Variants in INSYN2A observed in about 807,000 individuals in gnomAD.
The protein encoded by INSYN2A is inhibitory synaptic factor 2A, also known as family with sequence similarity 196 member A.
A neutral mutation model predicts 39.4 loss-of-function variants in INSYN2A; 17 were observed. That is an observed-to-expected ratio of 0.43 (90% CI 0.30 to 0.65). The LOEUF is 0.65. INSYN2A is among the 30% of genes least tolerant of loss of function. The pLI is 0.14. For synonymous variants in INSYN2A, 255 were observed against 265.7 expected (o/e 0.96, Z 0.39); for missense variants, 595 against 631.2 (o/e 0.94, Z 0.61).
At chr10:127,143,949 T>A (rs2051531410) in intron 5 of INSYN2A, among the ~76,000 whole-genome samples, 1 of 152,154 alleles carries the variant, frequency 6.6e-6, no homozygotes, top group South Asian at 2.1e-4. Flanking sequence ...CCTTCCAGAC[T>A]CAGCCTGCAG....
chr10:127,137,755 G>A lies in INSYN2A; in HGVS notation c.*82C>T, dbSNP rs1213225150. ...CCTGAATGGGCACCACAGTTCCCTC[G>A]ATCCTATTCATTTTGGAAAAGTATT... On this transcript the variant is annotated 3_prime_UTR_variant, in exon 6 of 6. Transcript: ENST00000522781. 6.0e-6 allele frequency: 8 copies of A among 1,340,590 alleles called. No homozygotes were observed. The Admixed American group carries it at 1.1e-4, about 19-fold the overall frequency. 83.0% of individuals were successfully genotyped at this position (1,340,590 alleles called of 1,614,324 possible). A position where few individuals can be genotyped will look rare whatever the true frequency, so the allele number is the denominator to read the frequency against.
intron 4 of INSYN2A, among the ~76,000 whole-genome samples, chr10:127,172,865 G>A (rs570325603): frequency 1.3e-5 from 2 of 152,308 alleles, no homozygotes; most frequent in South Asian, 4.1e-4. Context: ...ATTTCGTGAT[G>A]ATGGAAATGT....
At chr10:127,182,097 A>G (rs1049066206) in intron 2 of INSYN2A, among the ~76,000 whole-genome samples, 2 of 152,122 alleles carry the variant, frequency 1.3e-5, no homozygotes, top group Admixed American at 6.5e-5. Context: ...GGCTCCTTGG[A>G]GGAAACACGG....
chr10:127,163,563 G>A (rs2053781873), intron 4 of INSYN2A, among the ~76,000 whole-genome samples: 1 of 152,140 alleles, frequency 6.6e-6, no homozygotes, highest in South Asian at 2.1e-4. Context: ...GAGTCTGTGT[G>A]AGTGCCCTTT....
intron 1 of INSYN2A, among the ~76,000 whole-genome samples, chr10:127,194,353 G>A (rs1015054387): frequency 1.6e-4 from 25 of 152,196 alleles, no homozygotes; most frequent in Non-Finnish European, 4.4e-5. Flanking sequence ...GCATGCAGAT[G>A]GCAGGACTTC....
At chr10:127,186,637 A>G (rs1037324867) in intron 2 of INSYN2A, among the ~76,000 whole-genome samples, 1 of 151,556 alleles carries the variant, frequency 6.6e-6, no homozygotes, top group Non-Finnish European at 1.5e-5. Context: ...GAGGGGCATA[A>G]ACATATGAAT....
chr10:127,163,361 C>T (rs557032354), intron 4 of INSYN2A, among the ~76,000 whole-genome samples: 4 of 152,028 alleles, frequency 2.6e-5, no homozygotes, highest in East Asian at 1.9e-4. Context: ...TGGAGTATAC[C>T]GGGAGCTGTA....
Position 127,137,864 on chromosome 10 carries a change from G to C in INSYN2A, c.1413C>G (p.His471Gln). 1 of 1,613,984 alleles carries C rather than the reference G, an allele frequency of 6.2e-7. No homozygotes were observed. The highest frequency in any genetic ancestry group is 2.2e-5 in the East Asian group (1 of 44,876). Reference sequence around the variant, plus strand: ...AAAGGAACCAGAGTTTCCATCTTCCGTGCTTTTTAGATTCAGTTTTGGATT... The same window carrying C: ...AAAGGAACCAGAGTTTCCATCTTCCCTGCTTTTTAGATTCAGTTTTGGATT... ...KQKSKTESKK[H>Q]GRWKLWFL The change falls in exon 6 of 6, where the codon CAC becomes CAG. Residue 471 changes from histidine to glutamine, a missense_variant. By Grantham distance (24) the His-to-Gln change is conservative (BLOSUM62 0). Transcript: ENST00000522781.
rs138836999 is a variant in INSYN2A at position 127,191,176 on chromosome 10, C to T, written c.-269+1429G>A. The stretch of plus-strand genomic sequence containing the variant: ...GGAGTGCAATCTCAAGCATCACCCA[C>T]GAAGTGAGCCGGGGCATCACTCTCT... On this transcript the variant is annotated intron_variant, in intron 2 of 5. Coordinates refer to ENST00000522781, the MANE Select transcript of INSYN2A (RefSeq NM_001039762.3). Among the ~76,000 whole-genome samples, 1,087 of 152,246 alleles carry T rather than the reference C, an allele frequency of 7.1e-3. 32 individuals are homozygous for T. The highest frequency in any genetic ancestry group is 8.2e-3 in the African/African-American group (342 of 41,558).
chr10:127,165,039 A>G (rs994168017), intron 4 of INSYN2A, among the ~76,000 whole-genome samples: 4 of 152,240 alleles, frequency 2.6e-5, no homozygotes, highest in African/African-American at 7.2e-5. Flanking sequence ...GGCACTGGCT[A>G]TCAAACTAGA....
At chr10:127,156,159 C>T (rs2053023382) in intron 4 of INSYN2A, among the ~76,000 whole-genome samples, 1 of 152,164 alleles carries the variant, frequency 6.6e-6, no homozygotes, top group South Asian at 2.1e-4. Context: ...TCTATCAAGC[C>T]TCATCAACAT....
chr10:127,187,718 A>G (rs2056402799), intron 2 of INSYN2A, among the ~76,000 whole-genome samples: 1 of 138,974 alleles, frequency 7.2e-6, no homozygotes, highest in South Asian at 2.6e-4. Flanking sequence ...AAAAACAAGG[A>G]GAAGAAAGAG....
At chr10:127,148,123 G>T (rs2052093995) in intron 5 of INSYN2A, among the ~76,000 whole-genome samples, 1 of 151,546 alleles carries the variant, frequency 6.6e-6, no homozygotes, top group Admixed American at 6.6e-5. Context: ...ACACAGCAAT[G>T]CGTTTCACAA....
chr10:127,179,607 A>T lies in INSYN2A; in HGVS notation c.-268-2468T>A, dbSNP rs2055527866. ...CATTAAGAATTACTAAGGTGGACAC[A>T]TCTTTTCGGGGTGTTCATTTGCTCT... On this transcript the variant is annotated intron_variant, in intron 2 of 5. Transcript: ENST00000522781. 2.0e-5 allele frequency among the ~76,000 whole-genome samples: 3 copies of T among 152,130 alleles called. No individual in the cohort carries two copies. In the South Asian group the frequency reaches 6.2e-4, roughly 31 times the overall value.
intron 4 of INSYN2A, among the ~76,000 whole-genome samples, chr10:127,172,668 TG>T (rs1212564588): frequency 6.6e-6 from 1 of 152,182 alleles, no homozygotes; most frequent in Non-Finnish European, 1.5e-5. Flanking sequence ...AGAGAGGAAG[TG>T]AATGTTCCCA....
Position 127,175,190 on chromosome 10 carries a change from AGACAT to A in INSYN2A, c.1184+17_1184+21del. 1 of 1,583,664 alleles carries A rather than the reference AGACAT, an allele frequency of 6.3e-7. No homozygotes were observed. Among genetic ancestry groups the A allele is most frequent in the Admixed American group, 1.7e-5 (1 of 58,626 alleles). The stretch of plus-strand genomic sequence containing the variant: ...GGTGATCAGCCTGCATAGCTTCCTA[AGACAT>A]GGGTGAACATACATACCCTTCCCGA... On this transcript the variant is annotated intron_variant, in intron 4 of 5. Transcript: ENST00000522781. This position sits in a 1 kb window ranked among gnomAD's most constrained non-coding sequence, Gnocchi z 6.3.
At position 127,176,056 on chromosome 10, in the gene INSYN2A, A is replaced by G; in HGVS notation, c.340T>C (p.Cys114Arg). 2 of 1,613,910 alleles carry G rather than the reference A, an allele frequency of 1.2e-6. No homozygotes were observed. Among genetic ancestry groups the G allele is most frequent in the Non-Finnish European group, 1.7e-6 (2 of 1,180,000 alleles). ...CGGTCCAGAGGGAACGTCTGGTAAC[A>G]CTTCTTAAGGTCGGGCGAGGTCTGC... Reference protein sequence around the residue: ...GVQTSPDLKKCYQTFPLDRKK... With the variant: ...GVQTSPDLKKRYQTFPLDRKK... The change falls in exon 4 of 6, where the codon TGT (cysteine) becomes CGT (arginine). Residue 114 changes from cysteine to arginine, a missense_variant. By Grantham distance (180) the Cys-to-Arg change is radical (BLOSUM62 -3). Transcript: ENST00000522781. The surrounding 1 kb of genome is among the most constrained non-coding windows in gnomAD (Gnocchi z 4.4).
intron 4 of INSYN2A, among the ~76,000 whole-genome samples, chr10:127,165,471 G>GA (rs888967997): frequency 6.6e-6 from 1 of 152,152 alleles, no homozygotes. Context: ...CATACTGATA[G>GA]AAAAAACTTT....
chr10:127,179,616 G>A (rs1226805680), intron 2 of INSYN2A, among the ~76,000 whole-genome samples: 1 of 152,054 alleles, frequency 6.6e-6, no homozygotes, highest in Admixed American at 6.6e-5. Context: ...CATCTTTTCG[G>A]GGTGTTCATT....
Sources: gnomAD v4.1 joint callset for allele counts (sites outside exome capture counted in the v4.1 genomes callset) on GRCh38, gnomAD v4.1.1 for gene constraint, Gnocchi (gnomAD v3.1) non-coding constraint, MANE v1.5 for transcripts, NCBI Gene and HGNC (gene_info 2026-07-23, HGNC 2026-07-21) for gene names.